Variants in ALG14 observed in about 807,000 individuals in gnomAD.
ALG14 encodes the protein ALG14 UDP-N-acetylglucosaminyltransferase subunit.
ALG14 carries 17 observed loss-of-function variants against 22.8 expected under a neutral mutation model. The observed-to-expected ratio is 0.75, with a 90% CI of 0.51 to 1.12. The LOEUF (loss-of-function observed/expected upper bound fraction) is 1.12, where lower values mean the gene tolerates loss of function less well. Among genes scored for constraint, ALG14 ranks in the 50% most tolerant of loss-of-function variants. The pLI, the probability that ALG14 is intolerant of heterozygous loss-of-function variation, is 0.00. For missense variants in ALG14, 288 were observed against 271.8 expected (o/e 1.06, Z -0.42); for synonymous variants, 89 against 103.7 (o/e 0.86, Z 0.86).
At chr1:95,058,731 A>T (rs1026295008) in intron 2 of ALG14, among the ~76,000 whole-genome samples, 3 of 151,906 alleles carry the variant, frequency 2.0e-5, no homozygotes, top group African/African-American at 7.2e-5. Context: ...TGAGCCAAAT[A>T]GAAAACAAAA....
intron 3 of ALG14, among the ~76,000 whole-genome samples, chr1:95,013,627 G>C (rs1377249223): frequency 6.6e-6 from 1 of 151,990 alleles, no homozygotes; most frequent in Non-Finnish European, 1.5e-5. Flanking sequence ...CCAGTTTCCT[G>C]TTCTTTTTAA....
chr1:94,994,142 T>C (rs1235150611), intron 3 of ALG14, among the ~76,000 whole-genome samples: 1 of 152,222 alleles, frequency 6.6e-6, no homozygotes, highest in Non-Finnish European at 1.5e-5. Flanking sequence ...CCAAACATTG[T>C]TTTCCCAACC....
intron 2 of ALG14, among the ~76,000 whole-genome samples, chr1:95,050,069 A>G (rs931018350): frequency 6.6e-6 from 1 of 152,110 alleles, no homozygotes; most frequent in Admixed American, 6.6e-5. Flanking sequence ...TTTTTGGAGG[A>G]GCAAGCCTGT....
At chr1:94,987,478 T>C (rs1022467461) in intron 3 of ALG14, among the ~76,000 whole-genome samples, 4 of 152,144 alleles carry the variant, frequency 2.6e-5, no homozygotes, top group Admixed American at 6.6e-5. Flanking sequence ...TAATATGTTA[T>C]GGGTTTAGAA....
chr1:94,988,405 C>A (rs1672692703), intron 3 of ALG14, among the ~76,000 whole-genome samples: 1 of 152,120 alleles, frequency 6.6e-6, no homozygotes, highest in Admixed American at 6.5e-5. Context: ...GGTAGCAGAG[C>A]TACAAAGATA....
At chr1:94,999,891 C>A (rs1673013640) in intron 3 of ALG14, among the ~76,000 whole-genome samples, 1 of 152,206 alleles carries the variant, frequency 6.6e-6, no homozygotes. Context: ...TCTCCACCAT[C>A]CCTGCCTGGC....
At chr1:95,049,328 T>C (rs1674667421) in intron 2 of ALG14, among the ~76,000 whole-genome samples, 1 of 152,014 alleles carries the variant, frequency 6.6e-6, no homozygotes, top group Non-Finnish European at 1.5e-5. Context: ...AGTTCAGGAG[T>C]TCGCGACCAG....
chr1:95,027,298 A>G (rs765430724), intron 2 of ALG14, 38 bp from the exon 3 acceptor site: 1 of 1,608,522 alleles, frequency 6.2e-7, no homozygotes, highest in Non-Finnish European at 8.5e-7. Flanking sequence ...CAACTGAGTC[A>G]CTGATATCAA....
At chr1:95,031,872 G>A (rs1436943957) in intron 2 of ALG14, among the ~76,000 whole-genome samples, 3 of 152,140 alleles carry the variant, frequency 2.0e-5, no homozygotes, top group East Asian at 1.9e-4. Context: ...GCAGTGGCAC[G>A]ATCTCAGCTC....
At chr1:94,997,067 A>G (rs1672927403) in intron 3 of ALG14, among the ~76,000 whole-genome samples, 1 of 152,200 alleles carries the variant, frequency 6.6e-6, no homozygotes, top group Admixed American at 6.5e-5. Context: ...GGAAAAACAG[A>G]AAGACATTAA....
intron 3 of ALG14, among the ~76,000 whole-genome samples, chr1:94,999,909 A>T (rs1673014366): frequency 6.6e-6 from 1 of 151,994 alleles, no homozygotes; most frequent in Admixed American, 6.6e-5. Flanking sequence ...GGCGCAGGCC[A>T]TCTCTCCTCC....
rs1267797123 is a variant in ALG14, at chr1:94,983,311, A to G, written c.421-5T>C. 1 of 1,611,684 alleles carries G rather than the reference A, an allele frequency of 6.2e-7. No individual in the cohort carries two copies. The highest frequency in any genetic ancestry group is 8.5e-7 in the Non-Finnish European group (1 of 1,178,416). On this transcript the variant is annotated splice_polypyrimidine_tract_variant and splice_region_variant and intron_variant, in intron 3 of 3. Transcript: ENST00000370205. ...TCCTGGTCCGTTACACAACACCTGA[A>G]AGAAAAAGTTGAAGGTCAAATGAAA...
At chr1:95,039,110 T>C (rs1486989499) in intron 2 of ALG14, among the ~76,000 whole-genome samples, 1 of 152,078 alleles carries the variant, frequency 6.6e-6, no homozygotes, top group Non-Finnish European at 1.5e-5. Flanking sequence ...CTAAGTATAA[T>C]AGTGTGGGTG....
Position 95,019,619 on chromosome 1 carries a change from G to C in ALG14, c.420+7510C>G, listed in dbSNP as rs147672646. Among the ~76,000 whole-genome samples, 1,145 of 152,256 alleles carry C rather than the reference G, an allele frequency of 7.5e-3. 11 individuals are homozygous for C. Among genetic ancestry groups the C allele is most frequent in the African/African-American group, 0.026 (1,070 of 41,552 alleles). On this transcript the variant is annotated intron_variant, in intron 3 of 3. Transcript: ENST00000370205. ...ACCACTGAAGTTGAGAAGCCGCTTG[G>C]CTTATATCTGCTGTAAAATGCTGTC... is the stretch of plus-strand genomic sequence containing the variant.
At chr1:95,057,687 AG>A (rs1674984815) in intron 2 of ALG14, among the ~76,000 whole-genome samples, 1 of 151,240 alleles carries the variant, frequency 6.6e-6, no homozygotes, top group African/African-American at 2.4e-5. Context: ...AATATGAAAA[AG>A]GATTAGTTTA....
Position 95,065,009 on chromosome 1 carries a change from T to C in ALG14, c.145A>G (p.Thr49Ala). 1 of 1,611,302 alleles carries C rather than the reference T, an allele frequency of 6.2e-7. No individual in the cohort carries two copies. The highest frequency in any genetic ancestry group is 8.5e-7 in the Non-Finnish European group (1 of 1,178,760). Residue 49 changes from threonine (T) to alanine (A), a missense_variant, in exon 2 of 4, where the codon ACC (threonine) becomes GCC (alanine). Transcript: ENST00000370205. ...ILVVAGSGGH[T>A]TEILRLLGSL... ...CCAAGCAGCCTCAGGATCTCAGTGG[T>C]ATGCCCACCTGGAAAAAATATCAGA...
At position 95,072,904 on chromosome 1, in the gene ALG14, G is replaced by C. The variant is rs138104607; in HGVS notation, c.-6C>G. On this transcript the variant is annotated 5_prime_UTR_variant, in exon 1 of 4. Coordinates refer to ENST00000370205, the MANE Select transcript of ALG14 (RefSeq NM_144988.4). Reference sequence around the variant, plus strand: ...AGAACGAGAACGCACACCATGCAGAGAAACGGCGCATGCGTCCAACTTCCG... The same window carrying C: ...AGAACGAGAACGCACACCATGCAGACAAACGGCGCATGCGTCCAACTTCCG... 300 of 1,613,792 alleles carry C rather than the reference G, an allele frequency of 1.9e-4. 1 individual carries two copies. The African/African-American group carries it at 3.3e-3, about 18-fold the overall frequency.
rs1422467984 is a variant in ALG14 at position 94,976,240 on chromosome 1, G to C, written c.*6836C>G. On this transcript the variant is annotated 3_prime_UTR_variant, in exon 4 of 4. Coordinates refer to ENST00000370205, the MANE Select transcript of ALG14 (RefSeq NM_144988.4). ...AAAGGTCAAGTAACTTGCCAGAAAAGGGATAGAGTTTGGGAGATGTGGATT... is the reference window on the plus strand; with the variant it reads ...AAAGGTCAAGTAACTTGCCAGAAAACGGATAGAGTTTGGGAGATGTGGATT... The C allele has an allele frequency of 1.3e-5, 2 of 152,060 alleles. No individual in the cohort carries two copies. Among genetic ancestry groups the C allele is most frequent in the Non-Finnish European group, 2.9e-5 (2 of 68,022 alleles). The allele number at this position is 152,060 out of a possible 1,614,324, so 9.4% of individuals were successfully genotyped here. A position where few individuals can be genotyped will look rare whatever the true frequency, so the allele number is the denominator to read the frequency against.
intron 3 of ALG14, among the ~76,000 whole-genome samples, chr1:95,023,844 G>A (rs541393993): frequency 6.6e-6 from 1 of 152,268 alleles, no homozygotes; most frequent in East Asian, 1.9e-4. Context: ...CCAGTGTAGG[G>A]AGTGGGTGTC....
Sources: allele counts gnomAD v4.1 joint callset (sites outside exome capture counted in the v4.1 genomes callset), GRCh38; gene constraint gnomAD v4.1.1; transcripts MANE v1.5; gene names NCBI Gene and HGNC (gene_info 2026-07-23, HGNC 2026-07-21).